SLC23A1: variants seen among roughly 807,000 people sequenced by gnomAD.
SLC23A1 encodes the protein Na(+)/L-ascorbic acid transporter 1.
A neutral mutation model predicts 62.5 loss-of-function variants in SLC23A1; 31 were observed. The observed-to-expected ratio is 0.50, with a 90% confidence interval of 0.37 to 0.67. The LOEUF is 0.67. SLC23A1 is among the 30% of genes least tolerant of loss of function. SLC23A1 has a pLI of 0.00. For missense variants in SLC23A1, 640 were observed against 782.7 expected, an observed-to-expected ratio of 0.82 and a Z score of 2.18; for synonymous variants, 271 against 313.2, an observed-to-expected ratio of 0.87 and a Z score of 1.42.
At chr5:139,373,154 G>GT (rs1031539791) in intron 13 of SLC23A1, among the ~76,000 whole-genome samples, 2 of 45,088 alleles carry the variant, frequency 4.4e-5, no homozygotes, top group East Asian at 4.0e-4. Context: ...CAAATAATTT[G>GT]TTTTTTTGTG....
intron 13 of SLC23A1, among the ~76,000 whole-genome samples, chr5:139,372,782 A>C (rs1381244741): frequency 6.6e-6 from 1 of 151,984 alleles, no homozygotes; most frequent in Non-Finnish European, 1.5e-5. Flanking sequence ...ACGGGGTGTC[A>C]CTATGTTGGT....
rs1159317432 is a variant in SLC23A1 at position 139,367,385 on chromosome 5, T to A, written c.*266A>T. On this transcript the variant is annotated 3_prime_UTR_variant, in exon 15 of 15. Transcript: ENST00000348729. Reference sequence around the variant, plus strand: ...ATTTCTAGCTGTTCTTCCTAGATGCTGACAAGTCTACTTAGGAGAGTAAAG... The same window carrying A: ...ATTTCTAGCTGTTCTTCCTAGATGCAGACAAGTCTACTTAGGAGAGTAAAG... 1.3e-5 allele frequency: 2 copies of A among 152,232 alleles called. No individual in the cohort carries two copies. Among genetic ancestry groups the A allele is most frequent in the Admixed American group, 6.5e-5 (1 of 15,278 alleles). The allele number at this position is 152,232 out of a possible 1,614,324, so 9.4% of individuals were successfully genotyped here.
chr5:139,370,776 G>GA (rs1554158637), intron 14 of SLC23A1, among the ~76,000 whole-genome samples: 2 of 151,528 alleles, frequency 1.3e-5, no homozygotes, highest in Middle Eastern at 3.2e-3. Context: ...CTTTTGTTGG[G>GA]AAAAAAATTT....
intron 14 of SLC23A1, among the ~76,000 whole-genome samples, chr5:139,371,298 A>G (rs1294320135): frequency 1.3e-5 from 2 of 152,226 alleles, no homozygotes; most frequent in African/African-American, 4.8e-5. Context: ...GGAGTCATCT[A>G]GGCTAACCTC....
Position 139,378,386 on chromosome 5 carries a change from G to A in SLC23A1, c.1180-35C>T, listed in dbSNP as rs1472422775. On this transcript the variant is annotated intron_variant, in intron 10 of 14. Transcript: ENST00000348729. This position sits in a 1 kb window ranked among gnomAD's most constrained non-coding sequence, Gnocchi z 4.5. ...AGCCAGCGGGGAAGCTAGACCTGGG[G>A]ACGAGGCTGGGGCGGGGTTAGTTCC... The A allele has an allele frequency of 1.3e-6, 2 of 1,547,548 alleles. No homozygotes were observed. Among genetic ancestry groups the A allele is most frequent in the South Asian group, 2.4e-5 (2 of 83,950 alleles).
In SLC23A1 at chr5:139,379,660, C is replaced by T. The variant is rs202146270; in HGVS notation, c.925+18G>A. On this transcript the variant is annotated intron_variant, in intron 8 of 14. Transcript: ENST00000348729. This position sits in a 1 kb window ranked among gnomAD's most constrained non-coding sequence, Gnocchi z 4.7. ...TGGTCTCAGTTGGGGGCAGAGGGGC[C>T]CAAGGGGTGTTGCTCACAGGGGTAG... 153 of 1,598,346 alleles carry T rather than the reference C, an allele frequency of 9.6e-5. No homozygotes were observed. In the African/African-American group the frequency reaches 1.7e-3, roughly 17 times the overall value.
chr5:139,382,473 G>T lies in SLC23A1; in HGVS notation c.150+19C>A. On this transcript the variant is annotated intron_variant, in intron 2 of 14. Coordinates refer to ENST00000348729, the MANE Select transcript of SLC23A1 (RefSeq NM_005847.5). ...GGGGAGTGTGCAGAGTGAGGGCGGGGAGGCCCTGGGGGACCCACCTGGAAG... is the reference window on the plus strand; with the variant it reads ...GGGGAGTGTGCAGAGTGAGGGCGGGTAGGCCCTGGGGGACCCACCTGGAAG... The T allele has an allele frequency of 7.0e-7, 1 of 1,435,258 alleles. No homozygotes were observed. Among genetic ancestry groups the T allele is most frequent in the Non-Finnish European group, 9.8e-7 (1 of 1,017,528 alleles). 88.9% of individuals were successfully genotyped at this position (1,435,258 alleles called of 1,614,324 possible). A position where few individuals can be genotyped will look rare whatever the true frequency, so the allele number is the denominator to read the frequency against.
At position 139,379,555 on chromosome 5, in the gene SLC23A1, G is replaced by T; in HGVS notation, c.925+123C>A. 3 of 1,113,526 alleles carry T rather than the reference G, an allele frequency of 2.7e-6. No homozygotes were observed. The highest frequency in any genetic ancestry group is 1.5e-5 in the African/African-American group (1 of 64,774). The allele number at this position is 1,113,526 out of a possible 1,614,324, so 69.0% of individuals were successfully genotyped here. On this transcript the variant is annotated intron_variant, in intron 8 of 14. Coordinates refer to ENST00000348729, the MANE Select transcript of SLC23A1 (RefSeq NM_005847.5). The surrounding 1 kb of genome is among the most constrained non-coding windows in gnomAD (Gnocchi z 4.7). ...CTTTGTCTAAGTAAAACACCACTCT[G>T]CTGGGCGCACTATAAATGTGCGGCT...
intron 13 of SLC23A1, among the ~76,000 whole-genome samples, chr5:139,375,603 G>A (rs1757908357): frequency 6.6e-6 from 1 of 152,190 alleles, no homozygotes; most frequent in Non-Finnish European, 1.5e-5. Flanking sequence ...GGGAGGCCAA[G>A]GTGGGCGGAT....
chr5:139,383,366 C>G (rs2152073996), upstream of SLC23A1: 1 of 1,528,186 alleles, frequency 6.5e-7, no homozygotes, highest in East Asian at 2.4e-5. Context: ...AAATCTGTAA[C>G]CAGATGCCCA....
intron 2 of SLC23A1, chr5:139,382,281 A>C: frequency 1.7e-6 from 1 of 600,802 alleles, no homozygotes; most frequent in Non-Finnish European, 3.0e-6. Context: ...GCTCCCTGTC[A>C]CCAACACCCC....
Position 139,380,070 on chromosome 5 carries a change from A to T in SLC23A1, c.654T>A (p.Ile218=). The T allele has an allele frequency of 6.2e-7, 1 of 1,610,102 alleles. No homozygotes were observed. Among genetic ancestry groups the T allele is most frequent in the South Asian group, 1.1e-5 (1 of 90,592 alleles). Residue 218 remains isoleucine, a synonymous_variant, in exon 7 of 15, where the codon ATT becomes ATA. Transcript: ENST00000348729. The part of the protein sequence containing the change: ...GSHWGISACS[I]LLIILFSQYL... Reference sequence around the variant, plus strand: ...ACTGGGAGAAGAGGATGATCAGGAGAATGGAGCTGGGGGCAGAGGCACAAT... The same window carrying T: ...ACTGGGAGAAGAGGATGATCAGGAGTATGGAGCTGGGGGCAGAGGCACAAT...
Position 139,377,401 on chromosome 5 carries a change from C to T in SLC23A1, c.1549+1G>A. On this transcript the variant is annotated splice_donor_variant, in intron 13 of 14. Transcript: ENST00000348729. LOFTEE classifies it high-confidence loss of function. ...ATTCCCCTCCCAGGACCGAACCATA[C>T]CTGGCACTGTGTTGTCAAGTATGAA... The T allele has an allele frequency of 6.4e-7, 1 of 1,557,754 alleles. No individual in the cohort carries two copies. The highest frequency in any genetic ancestry group is 8.9e-7 in the Non-Finnish European group (1 of 1,128,346).
At chr5:139,375,699 G>T (rs1415741727) in intron 13 of SLC23A1, among the ~76,000 whole-genome samples, 1 of 152,126 alleles carries the variant, frequency 6.6e-6, no homozygotes, top group Non-Finnish European at 1.5e-5. Context: ...GCTGGGTGTG[G>T]TGGTGCACAC....
At chr5:139,374,613 A>C (rs1261195093) in intron 13 of SLC23A1, among the ~76,000 whole-genome samples, 1 of 152,126 alleles carries the variant, frequency 6.6e-6, no homozygotes, top group Non-Finnish European at 1.5e-5. Context: ...AACCCCCCTG[A>C]GCTTTAGGTT....
chr5:139,381,752 G>A (rs897064163), intron 3 of SLC23A1, 140 bp downstream of exon 3: 2 of 682,470 alleles, frequency 2.9e-6, no homozygotes, highest in African/African-American at 3.6e-5. Context: ...CTCTAAGGCT[G>A]GCCTGGGATA....
chr5:139,368,832 A>G, intron 14 of SLC23A1: 3 of 1,435,804 alleles, frequency 2.1e-6, no homozygotes, highest in Non-Finnish European at 2.9e-6. Flanking sequence ...GATGTAGCAC[A>G]ATTTCCACAC....
intron 13 of SLC23A1, among the ~76,000 whole-genome samples, chr5:139,372,554 A>T (rs886218915): frequency 2.0e-5 from 3 of 152,128 alleles, no homozygotes; most frequent in Admixed American, 1.3e-4. Flanking sequence ...AGATGTATAG[A>T]CACCATTGTA....
At chr5:139,376,865 G>A (rs549134965) in intron 13 of SLC23A1, among the ~76,000 whole-genome samples, 65 of 152,316 alleles carry the variant, frequency 4.3e-4, no homozygotes, top group Non-Finnish European at 7.5e-4. Flanking sequence ...GCTCATGCCT[G>A]TAATCCAGCA....
Sources: gnomAD v4.1 joint callset for allele counts (sites outside exome capture counted in the v4.1 genomes callset) on GRCh38, gnomAD v4.1.1 for gene constraint, Gnocchi (gnomAD v3.1) non-coding constraint, MANE v1.5 for transcripts, NCBI Gene and HGNC (gene_info 2026-07-23, HGNC 2026-07-21) for gene names.